Variants in MYO9A observed in about 807,000 individuals in gnomAD.
The protein encoded by MYO9A is unconventional myosin-IXa.
A neutral mutation model predicts 293.3 loss-of-function variants in MYO9A; 103 were observed. The ratio of observed to expected loss-of-function variants is 0.35; its 90% CI spans 0.30 to 0.41. The LOEUF (loss-of-function observed/expected upper bound fraction) is 0.41. Among genes scored for constraint, MYO9A ranks in the 10% least tolerant of loss-of-function variants. The pLI is 1.00. For synonymous variants in MYO9A, 1,001 were observed against 1,035.7 expected, an observed-to-expected ratio of 0.97 and a Z score of 0.64; for missense variants, 2,685 against 3,033.0, an observed-to-expected ratio of 0.89 and a Z score of 2.69.
intron 1 of MYO9A, among the ~76,000 whole-genome samples, chr15:72,093,549 T>C (rs1389916117): frequency 6.7e-6 from 1 of 149,578 alleles, no homozygotes; most frequent in Non-Finnish European, 1.5e-5. Flanking sequence ...ATATAAAGAA[T>C]TAAAATAATT....
intron 1 of MYO9A, among the ~76,000 whole-genome samples, chr15:72,054,678 CAAAAAAAAAAAAAAA>C (rs11284116): frequency 3.1e-5 from 2 of 63,926 alleles, no homozygotes; most frequent in East Asian, 4.3e-4. Flanking sequence ...GACTCTGTCT[CAAAAAAAAAAAAAAA>C]AAAAAAAAAA....
chr15:72,113,951 A>G (rs139732302), intron 1 of MYO9A, among the ~76,000 whole-genome samples: 137 of 152,340 alleles, frequency 9.0e-4, no homozygotes, highest in Non-Finnish European at 1.5e-3. Context: ...TGGGGGTCAC[A>G]TAGTAGTTAT....
intron 32 of MYO9A, 72 bp downstream of exon 32, chr15:71,875,719 T>C: frequency 2.9e-6 from 2 of 699,448 alleles, no homozygotes; most frequent in Non-Finnish European, 4.3e-6. Context: ...TCCACATATA[T>C]ATTGTATGAT....
intron 1 of MYO9A, among the ~76,000 whole-genome samples, chr15:72,067,172 T>C (rs954172751): frequency 5.4e-5 from 8 of 148,518 alleles, no homozygotes; most frequent in African/African-American, 2.0e-4. Flanking sequence ...ATATACTTAT[T>C]AAATATATTA....
intron 32 of MYO9A, among the ~76,000 whole-genome samples, chr15:71,864,984 A>G (rs1021279368): frequency 1.3e-5 from 2 of 152,228 alleles, no homozygotes; most frequent in Non-Finnish European, 2.9e-5. Flanking sequence ...CTGGTTTACA[A>G]TACCAATTGG....
Position 71,862,502 on chromosome 15 carries a change from T to C in MYO9A, c.6089A>G (p.Lys2030Arg). Residue 2030 changes from lysine to arginine, a missense_variant and splice_region_variant, in exon 33 of 42, where the codon AAA (lysine) becomes AGA (arginine). By Grantham distance (26) the Lys-to-Arg change is conservative. Around this residue, in one of 10 missense-constraint regions of MYO9A, gnomAD observed 238 missense variants for 269.1 expected, o/e 0.88. Transcript: ENST00000356056. ...CCTCAAAGATCTCTCATACTTACAT[T>C]TGCAAACAGAGGCTCGGTCCATTAT... ...IWIMDRASVC[K>R]LCKYACHKKC... The C allele has an allele frequency of 1.3e-6, 2 of 1,591,984 alleles. No individual in the cohort carries two copies. The highest frequency in any genetic ancestry group is 1.7e-6 in the Non-Finnish European group (2 of 1,160,302).
In MYO9A at chr15:71,960,080, T is replaced by C. The variant is rs2146978890; in HGVS notation, c.2003A>G (p.Asn668Ser). The C allele has an allele frequency of 6.2e-7, 1 of 1,613,504 alleles. No homozygotes were observed. Among genetic ancestry groups the C allele is most frequent in the African/African-American group, 1.3e-5 (1 of 74,980 alleles). ...KYGVKDFREK[N>S]TDHMRPDIVA... ...AATGTCTGGGCGCATATGATCTGTA[T>C]TTTTTTCCCGGAAATCCTATATGAA... is the stretch of plus-strand genomic sequence containing the variant. Residue 668 changes from asparagine (N) to serine (S), a missense_variant, in exon 14 of 42, where the codon AAT becomes AGT. Asn to Ser is a conservative substitution (Grantham distance 46). This residue lies in a region of MYO9A where 201 missense variants were observed against 245.2 expected (regional missense o/e 0.82). Transcript: ENST00000356056.
At chr15:71,925,321 GTACA>G (rs2145318502) in intron 18 of MYO9A, among the ~76,000 whole-genome samples, 5 of 22,944 alleles carry the variant, frequency 2.2e-4, no homozygotes, top group African/African-American at 3.2e-4. Context: ...ATACGTATAT[GTACA>G]TATATACGTA....
intron 25 of MYO9A, among the ~76,000 whole-genome samples, chr15:71,895,222 C>A (rs1486970175): frequency 6.6e-6 from 1 of 152,174 alleles, no homozygotes; most frequent in Non-Finnish European, 1.5e-5. Flanking sequence ...ATCTCTCTTG[C>A]CACAGTTGAG....
At chr15:72,100,442 C>T (rs2080237656) in intron 1 of MYO9A, among the ~76,000 whole-genome samples, 2 of 150,938 alleles carry the variant, frequency 1.3e-5, no homozygotes, top group African/African-American at 4.9e-5. Flanking sequence ...TGTGGGGAGC[C>T]CCTCTGCCTG....
intron 11 of MYO9A, among the ~76,000 whole-genome samples, chr15:71,978,510 C>T (rs545495789): frequency 3.9e-5 from 6 of 152,166 alleles, no homozygotes; most frequent in African/African-American, 1.4e-4. Context: ...TGTTAGAATG[C>T]CAGTTCTAAG....
intron 12 of MYO9A, among the ~76,000 whole-genome samples, chr15:71,973,119 C>T (rs1416209784): frequency 6.6e-6 from 1 of 152,118 alleles, no homozygotes; most frequent in Admixed American, 6.5e-5. Context: ...AGGCTGCTGG[C>T]CTCAAAGCCA....
chr15:71,917,942 T>C (rs894597662), intron 18 of MYO9A, among the ~76,000 whole-genome samples: 2 of 152,098 alleles, frequency 1.3e-5, no homozygotes, highest in Non-Finnish European at 2.9e-5. Flanking sequence ...GGAAATGTTA[T>C]TTCCTACAAA....
intron 5 of MYO9A, among the ~76,000 whole-genome samples, chr15:72,020,504 T>C (rs559872030): frequency 4.6e-5 from 7 of 152,320 alleles, no homozygotes; most frequent in Admixed American, 6.5e-5. Flanking sequence ...CAAAGACGTA[T>C]GTGTATGAGA....
chr15:71,907,557 C>T (rs1362208922), intron 19 of MYO9A, among the ~76,000 whole-genome samples: 1 of 138,858 alleles, frequency 7.2e-6, no homozygotes, highest in East Asian at 2.0e-4. Context: ...TACAGTCCCA[C>T]CAACAGTGTA....
chr15:71,847,936 A>C (rs1223676006), intron 39 of MYO9A, among the ~76,000 whole-genome samples: 1 of 152,174 alleles, frequency 6.6e-6, no homozygotes, highest in East Asian at 1.9e-4. Flanking sequence ...AAAAAGAATT[A>C]TTTTAGTGCT....
chr15:71,854,831 A>T (rs975450433), intron 34 of MYO9A, among the ~76,000 whole-genome samples: 1 of 152,222 alleles, frequency 6.6e-6, no homozygotes, highest in Admixed American at 6.5e-5. Context: ...CTATCAAAAA[A>T]TTGCTTCAAA....
chr15:71,939,533 T>C (rs972324604), intron 15 of MYO9A, among the ~76,000 whole-genome samples: 6 of 152,230 alleles, frequency 3.9e-5, no homozygotes. Context: ...AAAGACATGA[T>C]CTTGTTCTTT....
rs768137556 is a variant in MYO9A, at chr15:72,027,797, C to T, written c.936-4G>A. 52 of 1,594,716 alleles carry T rather than the reference C, an allele frequency of 3.3e-5. No homozygotes were observed. Among genetic ancestry groups the T allele is most frequent in the Non-Finnish European group, 4.4e-5 (51 of 1,169,502 alleles). On this transcript the variant is annotated splice_region_variant and splice_polypyrimidine_tract_variant and intron_variant, in intron 3 of 41. Transcript: ENST00000356056. ...TAGATATTTTTCAACATAGGCACTA[C>T]AAGAAAAATTAAATTGGTTGATATA...
Sources: gnomAD v4.1 joint callset for allele counts (sites outside exome capture counted in the v4.1 genomes callset) on GRCh38, gnomAD v4.1.1 for gene constraint, gnomAD v4.1.1 regional missense constraint, MANE v1.5 for transcripts, NCBI Gene and HGNC (gene_info 2026-07-23, HGNC 2026-07-21) for gene names.